The following STIM2 variants were observed in gnomAD, a reference collection of about 807,000 sequenced individuals.
The protein encoded by STIM2 is stromal interaction molecule 2.
STIM2 carries 31 observed loss-of-function variants against 85.8 expected under a neutral mutation model. The ratio of observed to expected loss-of-function variants is 0.36; its 90% CI spans 0.27 to 0.49. The LOEUF (loss-of-function observed/expected upper bound fraction) is 0.49, where lower values mean the gene tolerates loss of function less well. Ranked by LOEUF, STIM2 falls within the 20% of genes least tolerant of loss-of-function variation. STIM2 has a pLI of 0.98. For synonymous variants in STIM2, 356 were observed against 331.1 expected, an observed-to-expected ratio of 1.08 and a Z score of -0.82; for missense variants, 841 against 927.6, an observed-to-expected ratio of 0.91 and a Z score of 1.21.
chr4:27,008,026 T>C (rs1315661244), intron 8 of STIM2: 2 of 716,168 alleles, frequency 2.8e-6, no homozygotes, highest in South Asian at 3.0e-5. Flanking sequence ...TACTGGAAAT[T>C]AACTTTGACA....
chr4:27,008,811 G>T lies in STIM2; in HGVS notation c.1298G>T (p.Arg433Leu), dbSNP rs770359539. Residue 433 changes from arginine (R) to leucine (L), a missense_variant, in exon 10 of 12, where the codon CGC becomes CTC. This residue lies in a region of STIM2 where 408 missense variants were observed against 525.4 expected (regional missense o/e 0.78). Transcript: ENST00000467087. ...ACTTGTTTACGAGAACGACTTTTTC[G>T]CTGGCAACAAATTGAGAAGATCTGT... The T allele has an allele frequency of 6.2e-7, 1 of 1,613,904 alleles. No homozygotes were observed. Among genetic ancestry groups the T allele is most frequent in the Non-Finnish European group, 8.5e-7 (1 of 1,179,966 alleles).
At chr4:26,919,450 T>C in intron 1 of STIM2, 54 bp from the exon 2 acceptor site, 1 of 1,607,868 alleles carries the variant, frequency 6.2e-7, no homozygotes, top group Admixed American at 1.7e-5. Flanking sequence ...ACTCTCTAAC[T>C]ATAGCCTTTG....
Position 27,008,525 on chromosome 4 carries a change from CA to C in STIM2, c.1250del (p.Lys417ArgfsTer7). 1 of 1,587,146 alleles carries C rather than the reference CA, an allele frequency of 6.3e-7. No individual in the cohort carries two copies. Among genetic ancestry groups the C allele is most frequent in the Non-Finnish European group, 8.6e-7 (1 of 1,166,606 alleles). The stretch of plus-strand genomic sequence containing the variant: ...GAGGTAGACCACAAAATTCTGGAAG[CA>C]AAGTAAGAATGTTGTTTTCACTTTT... On this transcript the variant is annotated frameshift_variant and splice_region_variant, in exon 9 of 12. Coordinates refer to ENST00000467087, the MANE Select transcript of STIM2 (RefSeq NM_020860.4). LOFTEE classifies it high-confidence loss of function.
At chr4:26,931,482 A>T (rs558501353) in intron 2 of STIM2, among the ~76,000 whole-genome samples, 1 of 152,324 alleles carries the variant, frequency 6.6e-6, no homozygotes, top group Non-Finnish European at 1.5e-5. Context: ...TTCCTTTAAA[A>T]GGCTTTGTTT....
In STIM2 at chr4:27,017,802, G is replaced by C; in HGVS notation, c.1581G>C (p.Gln527His). The stretch of plus-strand genomic sequence containing the variant: ...TTGTGCCGTCCTCGCCTCAGCCTCA[G>C]CGAGCTCAGCTTGCTCCACACGCCC... The change falls in exon 11 of 12, where the codon CAG (glutamine) becomes CAC (histidine). Residue 527 changes from glutamine (Q) to histidine (H), a missense_variant. Physicochemically the swap from Gln to His is conservative, Grantham distance 24 (BLOSUM62 0). This residue lies in a region of STIM2 where 293 missense variants were observed against 284.5 expected (regional missense o/e 1.03). Coordinates refer to ENST00000467087, the MANE Select transcript of STIM2 (RefSeq NM_020860.4). 2 of 1,614,074 alleles carry C rather than the reference G, an allele frequency of 1.2e-6. No individual in the cohort carries two copies. The highest frequency in any genetic ancestry group is 1.7e-6 in the Non-Finnish European group (2 of 1,180,030).
chr4:26,935,687 C>T (rs759997930), intron 2 of STIM2, among the ~76,000 whole-genome samples: 36 of 152,168 alleles, frequency 2.4e-4, no homozygotes, highest in Non-Finnish European at 3.5e-4. Context: ...AGTTTGAGAA[C>T]CACTAGACTT....
At chr4:26,964,538 T>C (rs1441769681) in intron 3 of STIM2, among the ~76,000 whole-genome samples, 2 of 152,142 alleles carry the variant, frequency 1.3e-5, no homozygotes, top group African/African-American at 4.8e-5. Flanking sequence ...TGAGCAGTGT[T>C]TTAAAGGAAG....
At chr4:26,966,792 T>C (rs1263614928) in intron 3 of STIM2, among the ~76,000 whole-genome samples, 1 of 152,166 alleles carries the variant, frequency 6.6e-6, no homozygotes, top group Non-Finnish European at 1.5e-5. Flanking sequence ...AGCATGTTTT[T>C]ATATCTTATA....
chr4:26,898,146 C>T (rs531105718), intron 1 of STIM2, among the ~76,000 whole-genome samples: 21 of 152,314 alleles, frequency 1.4e-4, no homozygotes, highest in African/African-American at 5.1e-4. Flanking sequence ...GTTCACTTTT[C>T]AGACAGCACT....
Position 26,861,299 on chromosome 4 carries a change from G to A in STIM2, c.81G>A (p.Ala27=), listed in dbSNP as rs770499190. Residue 27 remains alanine (A), a synonymous_variant, in exon 1 of 12, where the codon GCG becomes GCA. Coordinates refer to ENST00000467087, the MANE Select transcript of STIM2 (RefSeq NM_020860.4). ...CCCGGCACCTCCGCGGGCGGCGGGC[G>A]ACTGGCTCTGCCGCAACTGCCGCCT... 4 of 1,443,632 alleles carry A rather than the reference G, an allele frequency of 2.8e-6. No homozygotes were observed. In the Admixed American group the frequency reaches 7.7e-5, roughly 28 times the overall value. The allele number at this position is 1,443,632 out of a possible 1,614,324, so 89.4% of individuals were successfully genotyped here.
chr4:26,942,020 A>C (rs776861764), intron 2 of STIM2, among the ~76,000 whole-genome samples: 23 of 152,194 alleles, frequency 1.5e-4, no homozygotes, highest in Non-Finnish European at 2.8e-4. Context: ...TTTAAAAATA[A>C]ATTCCATTGC....
At chr4:26,998,038 A>G (rs902580375) in intron 4 of STIM2, among the ~76,000 whole-genome samples, 2 of 152,204 alleles carry the variant, frequency 1.3e-5, no homozygotes, top group African/African-American at 4.8e-5. Context: ...TAGGCAAGTT[A>G]CTCAACCTCT....
chr4:26,966,508 A>G (rs556260283), intron 3 of STIM2, among the ~76,000 whole-genome samples: 1 of 152,262 alleles, frequency 6.6e-6, no homozygotes, highest in Admixed American at 6.5e-5. Context: ...GACAAGTCTT[A>G]TGCTTACTTA....
rs369523219 is a variant in STIM2 at position 26,974,527 on chromosome 4, G to C, written c.397+16801G>C. On this transcript the variant is annotated intron_variant, in intron 3 of 11. Transcript: ENST00000467087. ...AGTTTGGCTGGATATGAAATTCTGGGTTCAAAATTCTTTTCTTTAAGAATG... is the reference window on the plus strand; with the variant it reads ...AGTTTGGCTGGATATGAAATTCTGGCTTCAAAATTCTTTTCTTTAAGAATG... Among the ~76,000 whole-genome samples the C allele has an allele frequency of 4.7e-4, 71 of 152,272 alleles. 1 individual carries two copies. The South Asian group carries it at 0.012, about 25-fold the overall frequency.
At chr4:26,912,072 TACTC>T (rs1289100535) in intron 1 of STIM2, among the ~76,000 whole-genome samples, 4 of 152,216 alleles carry the variant, frequency 2.6e-5, no homozygotes, top group South Asian at 2.1e-4. Context: ...ACTCTGAAAA[TACTC>T]ACGTTGAATA....
intron 1 of STIM2, among the ~76,000 whole-genome samples, chr4:26,911,535 G>A (rs1349571380): frequency 6.6e-6 from 1 of 152,090 alleles, no homozygotes; most frequent in Non-Finnish European, 1.5e-5. Context: ...CATCTGCAGT[G>A]GTTTCTCAGC....
intron 11 of STIM2, chr4:27,021,135 C>G (rs969971570): frequency 7.2e-7 from 1 of 1,381,624 alleles, no homozygotes; most frequent in Non-Finnish European, 9.9e-7. Context: ...ACCCACCCTT[C>G]CATTCATTCA....
chr4:27,022,781 G>A lies in STIM2; in HGVS notation c.2026G>A (p.Glu676Lys). The change falls in exon 12 of 12, where the codon GAG becomes AAG. Residue 676 changes from glutamate (E) to lysine (K), a missense_variant. Transcript: ENST00000467087. Reference sequence around the variant, plus strand: ...AAGCAAAGTGTACAATGGCATTTTGGAGAAATCCTGTAGCATGAACCAGCT... The same window carrying A: ...AAGCAAAGTGTACAATGGCATTTTGAAGAAATCCTGTAGCATGAACCAGCT... 6.2e-7 allele frequency: 1 copy of A among 1,614,160 alleles called. No homozygotes were observed. Among genetic ancestry groups the A allele is most frequent in the Non-Finnish European group, 8.5e-7 (1 of 1,180,036 alleles).
At chr4:26,880,838 T>C (rs951365381) in intron 1 of STIM2, among the ~76,000 whole-genome samples, 1 of 151,656 alleles carries the variant, frequency 6.6e-6, no homozygotes, top group African/African-American at 2.4e-5. Context: ...CTTAGAATTC[T>C]TAAAATTGGT....
Sources: gnomAD v4.1 joint callset for allele counts (sites outside exome capture counted in the v4.1 genomes callset) on GRCh38, gnomAD v4.1.1 for gene constraint, gnomAD v4.1.1 regional missense constraint, MANE v1.5 for transcripts, NCBI Gene and HGNC (gene_info 2026-07-23, HGNC 2026-07-21) for gene names.